MARCHF4: variants seen among roughly 807,000 people sequenced by gnomAD.
MARCHF4 encodes the protein E3 ubiquitin-protein ligase MARCHF4.
In MARCHF4, 14 loss-of-function variants were observed where a neutral mutation model predicts 43.9. The observed-to-expected ratio is 0.32, with a 90% CI of 0.21 to 0.50. The LOEUF (loss-of-function observed/expected upper bound fraction) is 0.50. MARCHF4 is among the 20% of genes least tolerant of loss of function. The probability of loss-of-function intolerance (pLI) is 0.98; values close to 1 mark genes in which losing one functional copy is unlikely to be tolerated. For synonymous variants in MARCHF4, 226 were observed against 213.3 expected (o/e 1.06, Z -0.52); for missense variants, 468 against 536.7 (o/e 0.87, Z 1.27).
chr2:216,277,922 C>T, intron 2 of MARCHF4, 58 bp from the exon 3 acceptor site: 1 of 1,478,954 alleles, frequency 6.8e-7, no homozygotes, highest in Non-Finnish European at 9.2e-7. Context: ...CCCATTCCCA[C>T]CCCTCTTCTG....
chr2:216,354,935 C>G (rs964454175), intron 1 of MARCHF4, among the ~76,000 whole-genome samples: 50 of 135,540 alleles, frequency 3.7e-4, no homozygotes, highest in Admixed American at 1.3e-3. Flanking sequence ...TTCTTTCTTT[C>G]TTTCTTTCTT....
intron 1 of MARCHF4, among the ~76,000 whole-genome samples, chr2:216,357,904 C>T (rs751071009): frequency 1.1e-4 from 17 of 152,130 alleles, no homozygotes; most frequent in African/African-American, 2.4e-4. Context: ...TTAGTTTCAT[C>T]GACTCCTGAC....
chr2:216,299,171 ATT>A (rs1194262502), intron 1 of MARCHF4, among the ~76,000 whole-genome samples: 1 of 151,238 alleles, frequency 6.6e-6, no homozygotes, highest in Non-Finnish European at 1.5e-5. Flanking sequence ...TGGCTGCAGG[ATT>A]GGGGAATAGC....
At chr2:216,291,842 G>A (rs1691311633) in intron 1 of MARCHF4, among the ~76,000 whole-genome samples, 1 of 152,164 alleles carries the variant, frequency 6.6e-6, no homozygotes, top group Admixed American at 6.5e-5. Context: ...TCACTTTATA[G>A]ATGAAGATAG....
rs1691951456 is a variant in MARCHF4, at chr2:216,324,221, T to C, written c.517-40492A>G. Among the ~76,000 whole-genome samples the C allele has an allele frequency of 8.1e-5, 12 of 147,380 alleles. No homozygotes were observed. The South Asian group carries it at 2.1e-3, about 25-fold the overall frequency. Reference sequence around the variant, plus strand: ...AATAAACTAGAAAATCTAGAAGAAATGGATAAATTCCTCGACACATACACT... The same window carrying C: ...AATAAACTAGAAAATCTAGAAGAAACGGATAAATTCCTCGACACATACACT... On this transcript the variant is annotated intron_variant, in intron 1 of 3. Transcript: ENST00000273067.
chr2:216,350,674 T>A (rs1057364711), intron 1 of MARCHF4, among the ~76,000 whole-genome samples: 5 of 152,186 alleles, frequency 3.3e-5, no homozygotes, highest in Non-Finnish European at 5.9e-5. Flanking sequence ...AGAGGTTCTG[T>A]TGTCTAGGAA....
chr2:216,281,991 G>A (rs1397366283), intron 2 of MARCHF4, among the ~76,000 whole-genome samples: 4 of 152,066 alleles, frequency 2.6e-5, no homozygotes, highest in Non-Finnish European at 5.9e-5. Context: ...CTTTGGGGTG[G>A]GCTCATGAGT....
chr2:216,316,645 G>A (rs1012552163), intron 1 of MARCHF4, among the ~76,000 whole-genome samples: 3 of 152,114 alleles, frequency 2.0e-5, no homozygotes, highest in African/African-American at 4.8e-5. Flanking sequence ...TATACCAGTA[G>A]AGCCAGGAAC....
intron 1 of MARCHF4, among the ~76,000 whole-genome samples, chr2:216,293,582 A>C (rs1006076437): frequency 7.9e-5 from 12 of 151,144 alleles, no homozygotes; most frequent in African/African-American, 2.9e-4. Context: ...AAAAAAAAAA[A>C]AAAAACAATG....
intron 2 of MARCHF4, among the ~76,000 whole-genome samples, chr2:216,279,719 A>T (rs975598837): frequency 1.3e-5 from 2 of 152,224 alleles, no homozygotes; most frequent in African/African-American, 4.8e-5. Context: ...CAGCGTCTAC[A>T]TTTAATTAAA....
At chr2:216,361,782 A>AT (rs996177294) in intron 1 of MARCHF4, among the ~76,000 whole-genome samples, 1 of 152,168 alleles carries the variant, frequency 6.6e-6, no homozygotes, top group African/African-American at 2.4e-5. Flanking sequence ...TAGACATCTG[A>AT]TTTTTTAAAG....
intron 1 of MARCHF4, among the ~76,000 whole-genome samples, chr2:216,304,659 C>T (rs1180572855): frequency 6.6e-6 from 1 of 152,114 alleles, no homozygotes; most frequent in Non-Finnish European, 1.5e-5. Context: ...CTCTATAAAT[C>T]TCCATCAGTC....
At chr2:216,265,110 G>A (rs974875888) in intron 3 of MARCHF4, among the ~76,000 whole-genome samples, 1 of 152,182 alleles carries the variant, frequency 6.6e-6, no homozygotes, top group African/African-American at 2.4e-5. Flanking sequence ...AGTGGATAGA[G>A]AAATAGACTG....
In MARCHF4 at chr2:216,259,255, C is replaced by T. The variant is rs948069731; in HGVS notation, c.*57G>A. On this transcript the variant is annotated 3_prime_UTR_variant, in exon 4 of 4. Transcript: ENST00000273067. The stretch of plus-strand genomic sequence containing the variant: ...GGCTCTGGGGGTGCCACTGCACCTC[C>T]CCACCCTGCTCCGGGCCCTCAGTGG... The T allele has an allele frequency of 6.7e-6, 10 of 1,503,684 alleles. No individual in the cohort carries two copies. The African/African-American group carries it at 1.4e-4, about 21-fold the overall frequency. 93.1% of individuals were successfully genotyped at this position (1,503,684 alleles called of 1,614,324 possible). A position where few individuals can be genotyped will look rare whatever the true frequency, so the allele number is the denominator to read the frequency against.
At chr2:216,311,525 T>C (rs1243913955) in intron 1 of MARCHF4, among the ~76,000 whole-genome samples, 1 of 152,230 alleles carries the variant, frequency 6.6e-6, no homozygotes, top group African/African-American at 2.4e-5. Context: ...CCCAAAGTGC[T>C]GGGATTACAG....
Position 216,259,106 on chromosome 2 carries a change from G to T in MARCHF4, c.*206C>A. The stretch of plus-strand genomic sequence containing the variant: ...TGAGTTGGTGTTGGTTTTCATTGTT[G>T]TTGTGGAGAGTGGCATTGACTGATT... On this transcript the variant is annotated 3_prime_UTR_variant, in exon 4 of 4. Coordinates refer to ENST00000273067, the MANE Select transcript of MARCHF4 (RefSeq NM_020814.3). 3.6e-6 allele frequency: 2 copies of T among 550,138 alleles called. No individual in the cohort carries two copies. The highest frequency in any genetic ancestry group is 6.0e-6 in the Non-Finnish European group (2 of 334,550). The allele number at this position is 550,138 out of a possible 1,614,324, so 34.1% of individuals were successfully genotyped here. A position where few individuals can be genotyped will look rare whatever the true frequency, so the allele number is the denominator to read the frequency against.
intron 3 of MARCHF4, chr2:216,266,202 C>T (rs768687555): frequency 6.6e-6 from 1 of 152,150 alleles, no homozygotes; most frequent in African/African-American, 2.4e-5. Context: ...CACTTACTCA[C>T]CTTGCGGCTT....
chr2:216,329,188 G>A (rs1170476279), intron 1 of MARCHF4, among the ~76,000 whole-genome samples: 1 of 152,114 alleles, frequency 6.6e-6, no homozygotes, highest in African/African-American at 2.4e-5. Context: ...AGACCATCCC[G>A]GCTAACATGG....
chr2:216,362,012 G>A (rs778642601), intron 1 of MARCHF4, among the ~76,000 whole-genome samples: 1 of 152,156 alleles, frequency 6.6e-6, no homozygotes, highest in Non-Finnish European at 1.5e-5. Flanking sequence ...GTCCAGGGAG[G>A]TTAAATAAGT....
Sources: gnomAD v4.1 joint callset for allele counts (sites outside exome capture counted in the v4.1 genomes callset) on GRCh38, gnomAD v4.1.1 for gene constraint, MANE v1.5 for transcripts, NCBI Gene and HGNC (gene_info 2026-07-23, HGNC 2026-07-21) for gene names.